Variants in OPN3 observed in about 807,000 individuals in gnomAD.
OPN3 encodes opsin-3.
Under a neutral mutation model 33.8 loss-of-function variants are expected in OPN3, and 29 were observed. The ratio of observed to expected loss-of-function variants is 0.86; its 90% CI spans 0.64 to 1.17. The LOEUF (loss-of-function observed/expected upper bound fraction) is 1.17, where lower values mean the gene tolerates loss of function less well. Ranked by LOEUF, OPN3 falls within the 50% of genes most tolerant of loss-of-function variation. OPN3 has a pLI of 0.00. For synonymous variants in OPN3, 216 were observed against 216.1 expected, an observed-to-expected ratio of 1.00 and a Z score of 0.00; for missense variants, 437 against 514.1, an observed-to-expected ratio of 0.85 and a Z score of 1.45.
At chr1:241,594,960 G>A (rs754627141) in intron 3 of OPN3, 4 of 373,672 alleles carry the variant, frequency 1.1e-5, no homozygotes, top group Admixed American at 4.3e-5. Context: ...CACTTTCTAT[G>A]AGGGCAGGTA....
chr1:241,632,866 C>T (rs1005274866), intron 1 of OPN3: 2 of 152,008 alleles, frequency 1.3e-5, no homozygotes, highest in African/African-American at 4.8e-5. Flanking sequence ...TTAAAAAGGC[C>T]TCACTCTGTT....
chr1:241,638,364 T>C (rs1171512889), intron 1 of OPN3, among the ~76,000 whole-genome samples: 2 of 152,092 alleles, frequency 1.3e-5, no homozygotes, highest in African/African-American at 2.4e-5. Flanking sequence ...CTAGCACTTA[T>C]AAAGAACTCA....
chr1:241,622,741 T>C (rs1203234488), intron 1 of OPN3, among the ~76,000 whole-genome samples: 1 of 152,264 alleles, frequency 6.6e-6, no homozygotes, highest in African/African-American at 2.4e-5. Flanking sequence ...TCTTGGCTTC[T>C]ATAACACTTC....
At chr1:241,606,493 C>G (rs145236241) in intron 1 of OPN3, among the ~76,000 whole-genome samples, 1 of 151,202 alleles carries the variant, frequency 6.6e-6, no homozygotes, top group Non-Finnish European at 1.5e-5. Flanking sequence ...TGCAGTGAGC[C>G]GAGTTCGTGC....
intron 2 of OPN3, among the ~76,000 whole-genome samples, chr1:241,598,512 C>A (rs1663598096): frequency 6.6e-6 from 1 of 152,146 alleles, no homozygotes; most frequent in Non-Finnish European, 1.5e-5. Flanking sequence ...ACCAGCTTTT[C>A]AATTCACTGC....
chr1:241,602,696 T>G (rs1249285903), intron 2 of OPN3, among the ~76,000 whole-genome samples: 1 of 152,064 alleles, frequency 6.6e-6, no homozygotes, highest in Non-Finnish European at 1.5e-5. Flanking sequence ...CTGGTGTCTC[T>G]TCTTACAAGG....
At position 241,596,747 on chromosome 1, in the gene OPN3, A is replaced by T. The variant is rs545618538; in HGVS notation, c.945+999T>A. Among the ~76,000 whole-genome samples the T allele has an allele frequency of 4.2e-3, 641 of 152,326 alleles. 6 individuals are homozygous for T. The highest frequency in any genetic ancestry group is 0.015 in the African/African-American group (604 of 41,572). On this transcript the variant is annotated intron_variant, in intron 3 of 3. Transcript: ENST00000366554. ...AAACGTAGAGGCTCAGCTTTATAAT[A>T]ATCATTTTGTGGGCTCTCCTAGCCA...
chr1:241,640,130 T>C lies in OPN3; in HGVS notation c.125A>G (p.Glu42Gly), dbSNP rs1395148349. The C allele has an allele frequency of 6.3e-7, 1 of 1,591,842 alleles. No homozygotes were observed. Residue 42 changes from glutamate to glycine, a missense_variant, in exon 1 of 4, where the codon GAG (glutamate) becomes GGG (glycine). Physicochemically the swap from Glu to Gly is moderately conservative, Grantham distance 98. Transcript: ENST00000366554. ...PAPLFSPGTY[E>G]RLALLLGSIG... ...GGAGCCCAGCAGCAGCGCCAGGCGC[T>C]CGTAGGTGCCGGGGCTGAAGAGGGG...
At chr1:241,615,318 C>A (rs946527828) in intron 1 of OPN3, among the ~76,000 whole-genome samples, 1 of 151,832 alleles carries the variant, frequency 6.6e-6, no homozygotes, top group African/African-American at 2.4e-5. Context: ...AGTGTGGTAC[C>A]ACAGATAAAA....
At chr1:241,623,179 C>A (rs1664315975) in intron 1 of OPN3, among the ~76,000 whole-genome samples, 1 of 152,154 alleles carries the variant, frequency 6.6e-6, no homozygotes, top group Non-Finnish European at 1.5e-5. Context: ...TCAGGCAGGG[C>A]ACCATGTTTG....
rs1665074791 is a variant in OPN3, at chr1:241,640,268, C to G, written c.-14G>C. The G allele has an allele frequency of 5.9e-6, 7 of 1,186,492 alleles. No homozygotes were observed. Among genetic ancestry groups the G allele is most frequent in the Non-Finnish European group, 7.3e-6 (7 of 961,062 alleles). The allele number at this position is 1,186,492 out of a possible 1,614,324, so 73.5% of individuals were successfully genotyped here. A position where few individuals can be genotyped will look rare whatever the true frequency, so the allele number is the denominator to read the frequency against. On this transcript the variant is annotated 5_prime_UTR_variant, in exon 1 of 4. Coordinates refer to ENST00000366554, the MANE Select transcript of OPN3 (RefSeq NM_014322.3). ...CCCCGAGTACATGGCCCGGCGCCGG[C>G]GCGCCTGGCGGGCGGAGGCGCTCAG...
chr1:241,613,547 C>A (rs1291937406), intron 1 of OPN3, among the ~76,000 whole-genome samples: 1 of 152,142 alleles, frequency 6.6e-6, no homozygotes, highest in Non-Finnish European at 1.5e-5. Context: ...GTAACCATGT[C>A]TAACTTTGAT....
chr1:241,636,528 A>G (rs918985408), intron 1 of OPN3, among the ~76,000 whole-genome samples: 36 of 152,210 alleles, frequency 2.4e-4, no homozygotes, highest in South Asian at 2.1e-4. Context: ...ACAGCTGAAT[A>G]TAAGACCTTT....
chr1:241,612,610 C>G (rs1664026523), intron 1 of OPN3, among the ~76,000 whole-genome samples: 1 of 152,158 alleles, frequency 6.6e-6, no homozygotes, highest in Non-Finnish European at 1.5e-5. Context: ...AGCTGTTTGC[C>G]TCTTGTCCCA....
chr1:241,610,928 G>A (rs190321786), intron 1 of OPN3, among the ~76,000 whole-genome samples: 1 of 150,248 alleles, frequency 6.7e-6, no homozygotes, highest in East Asian at 2.0e-4. Flanking sequence ...CTGTCTCATC[G>A]TGTGGGTGTG....
chr1:241,638,534 T>G (rs950757293), intron 1 of OPN3, among the ~76,000 whole-genome samples: 2 of 152,234 alleles, frequency 1.3e-5, no homozygotes, highest in Non-Finnish European at 2.9e-5. Flanking sequence ...TTGAATAACC[T>G]TCTTAGCATT....
intron 1 of OPN3, chr1:241,634,090 G>C: frequency 6.2e-7 from 1 of 1,611,126 alleles, no homozygotes; most frequent in African/African-American, 1.3e-5. Flanking sequence ...TGATTCCCGA[G>C]GAATCTCTCA....
chr1:241,634,253 G>A, intron 1 of OPN3: 2 of 1,613,924 alleles, frequency 1.2e-6, no homozygotes, highest in Non-Finnish European at 1.7e-6. Flanking sequence ...TACCAGATAG[G>A]TGTCCTTCAT....
chr1:241,605,421 G>A (rs1461411327), intron 1 of OPN3, among the ~76,000 whole-genome samples: 1 of 152,160 alleles, frequency 6.6e-6, no homozygotes, highest in African/African-American at 2.4e-5. Flanking sequence ...GGGGTCAGGG[G>A]GTCTTCTGGG....
Sources: allele counts gnomAD v4.1 joint callset (sites outside exome capture counted in the v4.1 genomes callset), GRCh38; gene constraint gnomAD v4.1.1; transcripts MANE v1.5; gene names NCBI Gene and HGNC (gene_info 2026-07-23, HGNC 2026-07-21).